Variants in INHBC observed in about 807,000 individuals in gnomAD.
INHBC encodes inhibin beta C chain.
In INHBC, 10 loss-of-function variants were observed where a neutral mutation model predicts 12.4. The observed-to-expected ratio is 0.81, with a 90% CI of 0.50 to 1.37. The LOEUF (loss-of-function observed/expected upper bound fraction) is 1.37. INHBC is among the 40% of genes most tolerant of loss of function. INHBC has a pLI of 0.00. For synonymous variants in INHBC, 147 were observed against 171.6 expected (o/e 0.86, Z 1.12); for missense variants, 382 against 439.4 (o/e 0.87, Z 1.17).
chr12:57,447,672 G>T (rs538852868), intron 1 of INHBC, among the ~76,000 whole-genome samples: 1 of 148,774 alleles, frequency 6.7e-6, no homozygotes, highest in African/African-American at 2.5e-5. Context: ...ATCACTTGAG[G>T]TGAGGAGTTC....
intron 1 of INHBC, among the ~76,000 whole-genome samples, chr12:57,437,898 G>T (rs1288410941): frequency 6.6e-6 from 1 of 151,470 alleles, no homozygotes; most frequent in Admixed American, 6.6e-5. Context: ...CCATTCTCCT[G>T]CCTCAGCCTC....
At position 57,434,939 on chromosome 12, in the gene INHBC, C is replaced by A; in HGVS notation, c.53C>A (p.Ala18Asp). The A allele has an allele frequency of 6.2e-7, 1 of 1,614,158 alleles. No homozygotes were observed. The highest frequency in any genetic ancestry group is 8.5e-7 in the Non-Finnish European group (1 of 1,180,012). The part of the protein sequence containing the change: ...AFLLLAPTTV[A>D]TPRAGGQCPA... ...CTCCTCCTGGCTCCAACCACAGTGG[C>A]CACTCCCAGAGCTGGCGGTCAGTGT... Residue 18 changes from alanine to aspartate, a missense_variant, in exon 1 of 2, where the codon GCC (alanine) becomes GAC (aspartate). Ala to Asp is a moderately radical substitution (Grantham distance 126). Coordinates refer to ENST00000309668, the MANE Select transcript of INHBC (RefSeq NM_005538.4).
At chr12:57,443,113 CTTTTTTT>C (rs34935222) in intron 1 of INHBC, among the ~76,000 whole-genome samples, 1 of 72,398 alleles carries the variant, frequency 1.4e-5, no homozygotes, top group Non-Finnish European at 2.4e-5. Flanking sequence ...ATAAAGCACT[CTTTTTTT>C]TTTTTTTTTT....
chr12:57,444,264 C>T (rs372211018), intron 1 of INHBC, among the ~76,000 whole-genome samples: 29 of 151,614 alleles, frequency 1.9e-4, no homozygotes, highest in African/African-American at 6.0e-4. Context: ...CACACTGGAC[C>T]GGACTTGGTG....
chr12:57,439,566 C>T (rs1410970711), intron 1 of INHBC, among the ~76,000 whole-genome samples: 1 of 152,158 alleles, frequency 6.6e-6, no homozygotes, highest in Non-Finnish European at 1.5e-5. Flanking sequence ...TTTGAATTGT[C>T]CCTTTTAGTC....
At position 57,449,376 on chromosome 12, in the gene INHBC, T is replaced by C. The variant is rs140970124; in HGVS notation, c.413T>C (p.Val138Ala). 8.9e-5 allele frequency: 144 copies of C among 1,614,222 alleles called. 1 individual carries two copies. The African/African-American group carries it at 1.4e-3, about 16-fold the overall frequency. The change falls in exon 2 of 2, where the codon GTG (valine) becomes GCG (alanine). Residue 138 changes from valine (V) to alanine (A), a missense_variant. Transcript: ENST00000309668. ...EVQQASLMFF[V>A]QLPSNTTWTL... is the part of the protein sequence containing the mutation. ...CAGCAGGCCAGTCTCATGTTCTTTG[T>C]GCAGCTCCCTTCCAATACCACTTGG...
rs1364050394 is a variant in INHBC, at chr12:57,450,841, A to C, written c.*819A>C. 1 of 152,226 alleles carries C rather than the reference A, an allele frequency of 6.6e-6. No homozygotes were observed. Among genetic ancestry groups the C allele is most frequent in the Non-Finnish European group, 1.5e-5 (1 of 68,166 alleles). 9.4% of individuals were successfully genotyped at this position (152,226 alleles called of 1,614,324 possible). Reference sequence around the variant, plus strand: ...TACATTCTGATATAACTGCTTCAACACTAGGGGGTCCTAAAGGCTTTCTAT... The same window carrying C: ...TACATTCTGATATAACTGCTTCAACCCTAGGGGGTCCTAAAGGCTTTCTAT... On this transcript the variant is annotated 3_prime_UTR_variant, in exon 2 of 2. Coordinates refer to ENST00000309668, the MANE Select transcript of INHBC (RefSeq NM_005538.4).
intron 1 of INHBC, among the ~76,000 whole-genome samples, chr12:57,436,246 CCTCTGCCT>C (rs1870334696): frequency 6.7e-6 from 1 of 149,126 alleles, no homozygotes; most frequent in Non-Finnish European, 1.5e-5. Context: ...GTCACTGCAA[CCTCTGCCT>C]CCTGGGTTCA....
At chr12:57,442,363 A>G (rs1390572552) in intron 1 of INHBC, among the ~76,000 whole-genome samples, 1 of 152,216 alleles carries the variant, frequency 6.6e-6, no homozygotes, top group Non-Finnish European at 1.5e-5. Context: ...GTAATAGTCT[A>G]CTACAGCCCC....
At chr12:57,438,246 G>C (rs1870389246) in intron 1 of INHBC, among the ~76,000 whole-genome samples, 1 of 152,156 alleles carries the variant, frequency 6.6e-6, no homozygotes, top group Admixed American at 6.5e-5. Flanking sequence ...GGCTAATACA[G>C]GTAAAGTACT....
rs202201823 is a variant in INHBC, at chr12:57,435,144, A to G, written c.258A>G (p.Ala86=). 13 of 1,614,186 alleles carry G rather than the reference A, an allele frequency of 8.1e-6. No homozygotes were observed. In the Admixed American group the frequency reaches 2.2e-4, roughly 27 times the overall value. ...ACCTCCACGGGGTCCCACAGGGGGC[A>G]CTTCTAGAGGACAACAGGGAACAGG... The part of the protein sequence containing the change: ...LQHLHGVPQG[A]LLEDNREQEC... The change falls in exon 1 of 2, where the codon GCA becomes GCG. Residue 86 remains alanine, a synonymous_variant. Transcript: ENST00000309668.
At chr12:57,448,265 A>C (rs1361615026) in intron 1 of INHBC, among the ~76,000 whole-genome samples, 1 of 152,084 alleles carries the variant, frequency 6.6e-6, no homozygotes, top group Non-Finnish European at 1.5e-5. Flanking sequence ...TTTGGGAATC[A>C]CCAACATAAA....
intron 1 of INHBC, among the ~76,000 whole-genome samples, chr12:57,443,107 A>C (rs1376982616): frequency 7.0e-6 from 1 of 143,866 alleles, no homozygotes; most frequent in Non-Finnish European, 1.5e-5. Context: ...CCCATAATAA[A>C]GCACTCTTTT....
At chr12:57,439,153 G>A (rs1038746821) in intron 1 of INHBC, among the ~76,000 whole-genome samples, 2 of 152,130 alleles carry the variant, frequency 1.3e-5, no homozygotes, top group Non-Finnish European at 2.9e-5. Context: ...CACTGTCTGC[G>A]TCCTAAAAAT....
chr12:57,445,214 T>A (rs1293214762), intron 1 of INHBC, among the ~76,000 whole-genome samples: 1 of 152,236 alleles, frequency 6.6e-6, no homozygotes, highest in Non-Finnish European at 1.5e-5. Flanking sequence ...AAGTTTCCTA[T>A]TTCAAGGAGT....
At chr12:57,436,478 T>C (rs575322225) in intron 1 of INHBC, among the ~76,000 whole-genome samples, 9 of 140,902 alleles carry the variant, frequency 6.4e-5, no homozygotes, top group South Asian at 4.6e-4. Flanking sequence ...TTTTTCTTTT[T>C]TTTTTTTTTT....
rs761333266 is a variant in INHBC, at chr12:57,435,195, G to C, written c.309G>C (p.Glu103Asp). 5.6e-6 allele frequency: 9 copies of C among 1,608,474 alleles called. No homozygotes were observed. The East Asian group carries it at 2.0e-4, about 36-fold the overall frequency. Residue 103 changes from glutamate (E) to aspartate (D), a missense_variant, in exon 1 of 2, where the codon GAG (glutamate) becomes GAC (aspartate). Glu to Asp is a conservative substitution (Grantham distance 45, BLOSUM62 2). Coordinates refer to ENST00000309668, the MANE Select transcript of INHBC (RefSeq NM_005538.4). ...EQECEIISFA[E>D]TGLSTINQTR... is the part of the protein sequence containing the mutation. ...AATGTGAAATCATCAGCTTTGCTGA[G>C]ACAGGTGGGTTCCTGATCTGTAGCT...
chr12:57,450,265 C>T lies in INHBC; in HGVS notation c.*243C>T, dbSNP rs1870684724. 5.2e-6 allele frequency: 2 copies of T among 386,640 alleles called. No homozygotes were observed. Among genetic ancestry groups the T allele is most frequent in the Non-Finnish European group, 9.1e-6 (2 of 218,746 alleles). 24.0% of individuals were successfully genotyped at this position (386,640 alleles called of 1,614,324 possible). On this transcript the variant is annotated 3_prime_UTR_variant, in exon 2 of 2. Transcript: ENST00000309668. ...GCATAGTCCATCCCGCTAGTCCATC[C>T]CGCTAGCCCCACTCCAGGGACTCAG...
In INHBC at chr12:57,451,947, C is replaced by A. The variant is rs1870725574; in HGVS notation, c.*1925C>A. On this transcript the variant is annotated 3_prime_UTR_variant, in exon 2 of 2. Transcript: ENST00000309668. ...GGCTAAATTTTAAGGGGGTGGTGAA[C>A]AATTTATTAATCAAGATAGGACTTT... 2.4e-6 allele frequency: 1 copy of A among 419,478 alleles called. No individual in the cohort carries two copies. The highest frequency in any genetic ancestry group is 1.7e-5 in the South Asian group (1 of 59,056). 26.0% of individuals were successfully genotyped at this position (419,478 alleles called of 1,614,324 possible).
Sources: gnomAD v4.1 joint callset for allele counts (sites outside exome capture counted in the v4.1 genomes callset) on GRCh38, gnomAD v4.1.1 for gene constraint, MANE v1.5 for transcripts, NCBI Gene and HGNC (gene_info 2026-07-23, HGNC 2026-07-21) for gene names.